SMYD3: variants seen among roughly 807,000 people sequenced by gnomAD.
The protein encoded by SMYD3 is SET and MYND domain containing 3, also known as histone-lysine N-methyltransferase SMYD3.
SMYD3 carries 36 observed loss-of-function variants against 57.7 expected under a neutral mutation model. The ratio of observed to expected loss-of-function variants is 0.62; its 90% CI spans 0.48 to 0.82. The LOEUF is 0.82. Among genes scored for constraint, SMYD3 ranks in the 40% least tolerant of loss-of-function variants. The pLI is 0.00. For synonymous variants in SMYD3, 211 were observed against 195.0 expected, an observed-to-expected ratio of 1.08 and a Z score of -0.68; for missense variants, 515 against 538.8, an observed-to-expected ratio of 0.96 and a Z score of 0.44.
chr1:246,307,665 C>T (rs982640051), intron 5 of SMYD3, among the ~76,000 whole-genome samples: 17 of 152,056 alleles, frequency 1.1e-4, no homozygotes, highest in Middle Eastern at 3.4e-3. Context: ...ATGATCCGCC[C>T]GCCTCGGCCT....
intron 10 of SMYD3, among the ~76,000 whole-genome samples, chr1:245,776,356 C>CA (rs1156700153): frequency 6.6e-6 from 1 of 151,844 alleles, no homozygotes; most frequent in Non-Finnish European, 1.5e-5. Context: ...AAGAAAGGAG[C>CA]ATTGTCGTTA....
chr1:246,256,638 GATTAT>G (rs1462282676), intron 5 of SMYD3, among the ~76,000 whole-genome samples: 1 of 152,052 alleles, frequency 6.6e-6, no homozygotes, highest in African/African-American at 2.4e-5. Context: ...TAGTTTTGTT[GATTAT>G]ATTAATTTCT....
In SMYD3 at chr1:245,771,691, G is replaced by C. The variant is rs12088970; in HGVS notation, c.1077-7542C>G. 2.7e-3 allele frequency among the ~76,000 whole-genome samples: 412 copies of C among 152,324 alleles called. 2 individuals are homozygous for C. The highest frequency in any genetic ancestry group is 8.9e-3 in the African/African-American group (371 of 41,576). On this transcript the variant is annotated intron_variant, in intron 10 of 11. Coordinates refer to ENST00000490107, the MANE Select transcript of SMYD3 (RefSeq NM_001167740.2). ...ATATGCCAGGAGTAAACGGGACAAAGAGGCATGAAGAGGCACATAGAGTCA... is the reference window on the plus strand; with the variant it reads ...ATATGCCAGGAGTAAACGGGACAAACAGGCATGAAGAGGCACATAGAGTCA...
At chr1:246,149,750 G>C (rs2061912806) in intron 5 of SMYD3, among the ~76,000 whole-genome samples, 1 of 152,156 alleles carries the variant, frequency 6.6e-6, no homozygotes. Flanking sequence ...CAAGTAGACA[G>C]AATATTAAAT....
chr1:246,089,602 G>A (rs2060785586), intron 5 of SMYD3, among the ~76,000 whole-genome samples: 1 of 151,994 alleles, frequency 6.6e-6, no homozygotes, highest in South Asian at 2.1e-4. Context: ...TGAAGATTTT[G>A]GTTTCTAAAA....
At chr1:245,963,719 C>T (rs1364680804) in intron 5 of SMYD3, among the ~76,000 whole-genome samples, 4 of 152,152 alleles carry the variant, frequency 2.6e-5, no homozygotes, top group African/African-American at 4.8e-5. Flanking sequence ...CAAGGTTTTG[C>T]CCTCCAGAGA....
intron 9 of SMYD3, among the ~76,000 whole-genome samples, chr1:245,862,181 T>G (rs1373945080): frequency 6.6e-6 from 1 of 152,172 alleles, no homozygotes; most frequent in Non-Finnish European, 1.5e-5. Context: ...AAAACTAGTT[T>G]GTTTTTCTAT....
intron 5 of SMYD3, among the ~76,000 whole-genome samples, chr1:246,261,216 G>T (rs543708346): frequency 6.6e-6 from 1 of 152,004 alleles, no homozygotes; most frequent in South Asian, 2.1e-4. Flanking sequence ...CCGCCACCAC[G>T]CCTGGCTAAT....
intron 5 of SMYD3, among the ~76,000 whole-genome samples, chr1:246,093,588 G>GTGGT (rs2060859043): frequency 6.6e-6 from 1 of 152,162 alleles, no homozygotes; most frequent in African/African-American, 2.4e-5. Context: ...GAGTAGAGGG[G>GTGGT]TGGTTATCAG....
chr1:245,763,290 A>G (rs56386902), intron 11 of SMYD3, among the ~76,000 whole-genome samples: 13,562 of 152,032 alleles, frequency 0.089, 835 homozygotes, highest in East Asian at 0.31. Context: ...CAAGATAACC[A>G]CGAAGCCCTC....
chr1:245,803,913 A>AT (rs34038938), intron 10 of SMYD3, among the ~76,000 whole-genome samples: 10,513 of 73,292 alleles, frequency 0.14, 579 homozygotes, highest in East Asian at 0.32. Context: ...GTAAGTCAGT[A>AT]TTTTTTTTTT....
At chr1:246,405,922 A>AAG (rs1553342705) in intron 1 of SMYD3, among the ~76,000 whole-genome samples, 17 of 149,028 alleles carry the variant, frequency 1.1e-4, no homozygotes, top group African/African-American at 3.7e-4. Flanking sequence ...AAAAAAAAAA[A>AAG]AAAGAAAGAA....
intron 5 of SMYD3, among the ~76,000 whole-genome samples, chr1:246,301,717 G>A (rs1185599248): frequency 1.3e-5 from 2 of 152,072 alleles, no homozygotes; most frequent in Non-Finnish European, 2.9e-5. Context: ...TTCCCCAAGG[G>A]CAACTGATGT....
intron 10 of SMYD3, among the ~76,000 whole-genome samples, chr1:245,792,448 C>A (rs762020516): frequency 3.6e-4 from 55 of 152,154 alleles, no homozygotes; most frequent in Non-Finnish European, 2.5e-4. Context: ...ATGCCTAATT[C>A]TTTATGCCAC....
At chr1:246,407,058 G>A (rs1275805791) in intron 1 of SMYD3, among the ~76,000 whole-genome samples, 2 of 152,198 alleles carry the variant, frequency 1.3e-5, no homozygotes, top group Admixed American at 1.3e-4. Flanking sequence ...ATTGCCCCCT[G>A]GGAGGTCTGG....
In SMYD3 at chr1:246,493,450, T is replaced by C. The variant is rs139404637; in HGVS notation, c.164+13604A>G. ...CAAAAAGGCAAAACTGAGACTCAGA[T>C]TAACTTACTTACCCTACTTACCCAG... On this transcript the variant is annotated intron_variant, in intron 1 of 11. Coordinates refer to ENST00000490107, the MANE Select transcript of SMYD3 (RefSeq NM_001167740.2). 3.9e-5 allele frequency among the ~76,000 whole-genome samples: 6 copies of C among 152,300 alleles called. No individual in the cohort carries two copies. The South Asian group carries it at 6.2e-4, about 16-fold the overall frequency.
At chr1:245,764,430 C>G (rs1337221181) in intron 10 of SMYD3, among the ~76,000 whole-genome samples, 1 of 141,530 alleles carries the variant, frequency 7.1e-6, no homozygotes, top group Non-Finnish European at 1.5e-5. Context: ...GTTTGGAGCT[C>G]TGCGTTGATA....
chr1:246,247,487 T>TATATATATA (rs1558347068), intron 5 of SMYD3, among the ~76,000 whole-genome samples: 36 of 141,334 alleles, frequency 2.5e-4, no homozygotes, highest in African/African-American at 7.8e-4. Context: ...ATATATATAT[T>TATATATATA]TTTTAACATG....
chr1:246,442,294 C>A (rs997164559), intron 1 of SMYD3, among the ~76,000 whole-genome samples: 1 of 152,156 alleles, frequency 6.6e-6, no homozygotes, highest in Non-Finnish European at 1.5e-5. Context: ...TGGTGGCTCA[C>A]GCCTGTAATC....
Sources: allele counts gnomAD v4.1 joint callset (sites outside exome capture counted in the v4.1 genomes callset), GRCh38; gene constraint gnomAD v4.1.1; transcripts MANE v1.5; gene names NCBI Gene and HGNC (gene_info 2026-07-23, HGNC 2026-07-21).